Variants in APCDD1L observed in about 807,000 individuals in gnomAD.
APCDD1L encodes APC down-regulated 1 like, also known as protein APCDD1-like.
In APCDD1L, 21 loss-of-function variants were observed where a neutral mutation model predicts 24.2. The ratio of observed to expected loss-of-function variants is 0.87; its 90% confidence interval spans 0.61 to 1.25. The LOEUF is 1.25. Ranked by LOEUF, APCDD1L falls within the 50% of genes most tolerant of loss-of-function variation. The probability of loss-of-function intolerance (pLI) is 0.00; values close to 1 mark genes in which losing one functional copy is unlikely to be tolerated. For synonymous variants in APCDD1L, 321 were observed against 323.6 expected (o/e 0.99, Z 0.09); for missense variants, 704 against 711.7 (o/e 0.99, Z 0.12).
chr20:58,496,188 C>G (rs1990317706), intron 1 of APCDD1L, among the ~76,000 whole-genome samples: 3 of 152,236 alleles, frequency 2.0e-5, no homozygotes, highest in African/African-American at 7.2e-5. Flanking sequence ...CTGTGCCCAG[C>G]CTGGGTCAGC....
chr20:58,470,894 T>C, intron 1 of APCDD1L, 147 bp from the exon 2 acceptor site: 1 of 1,177,916 alleles, frequency 8.5e-7, no homozygotes, highest in Admixed American at 2.9e-5. Context: ...GGTGCCCCAG[T>C]TCTGGAGACA....
At chr20:58,473,686 C>A (rs920572874) in intron 1 of APCDD1L, among the ~76,000 whole-genome samples, 1 of 152,142 alleles carries the variant, frequency 6.6e-6, no homozygotes, top group Non-Finnish European at 1.5e-5. Context: ...TTGGGTTACA[C>A]AACTTTTTGC....
intron 3 of APCDD1L, among the ~76,000 whole-genome samples, chr20:58,465,607 A>C (rs891981011): frequency 1.3e-5 from 2 of 152,192 alleles, no homozygotes; most frequent in African/African-American, 4.8e-5. Context: ...TTGTGCACTC[A>C]AGAAATACGC....
At chr20:58,486,739 C>A (rs1276950257) in intron 1 of APCDD1L, among the ~76,000 whole-genome samples, 1 of 149,828 alleles carries the variant, frequency 6.7e-6, no homozygotes, top group East Asian at 2.0e-4. Context: ...ACAACAAGGG[C>A]AAAACAAAGA....
intron 1 of APCDD1L, among the ~76,000 whole-genome samples, chr20:58,483,095 CAAG>C (rs1042187509): frequency 1.8e-4 from 28 of 152,308 alleles, no homozygotes; most frequent in African/African-American, 6.0e-4. Context: ...TCTTGCAGGA[CAAG>C]AAGCTGCTTG....
At chr20:58,484,262 T>C (rs764730734) in intron 1 of APCDD1L, among the ~76,000 whole-genome samples, 10 of 152,344 alleles carry the variant, frequency 6.6e-5, no homozygotes, top group Non-Finnish European at 1.2e-4. Context: ...AGCACAAAGA[T>C]GATTTAAAAG....
chr20:58,483,060 C>G (rs961823353), intron 1 of APCDD1L, among the ~76,000 whole-genome samples: 3 of 152,164 alleles, frequency 2.0e-5, no homozygotes, highest in African/African-American at 7.2e-5. Context: ...CCAGAGGGGC[C>G]CCACTGCCTA....
intron 1 of APCDD1L, among the ~76,000 whole-genome samples, chr20:58,480,005 T>G (rs565291782): frequency 6.6e-6 from 1 of 152,318 alleles, no homozygotes; most frequent in South Asian, 2.1e-4. Context: ...CACAGAAATA[T>G]GAAGACACAC....
intron 1 of APCDD1L, among the ~76,000 whole-genome samples, chr20:58,485,803 T>G (rs1990109094): frequency 6.6e-6 from 1 of 152,214 alleles, no homozygotes; most frequent in Non-Finnish European, 1.5e-5. Flanking sequence ...ATTATACTTT[T>G]TCATAAAGTA....
chr20:58,493,550 T>C (rs1979301528), intron 1 of APCDD1L, among the ~76,000 whole-genome samples: 2 of 152,192 alleles, frequency 1.3e-5, no homozygotes, highest in African/African-American at 4.8e-5. Context: ...CCACACCTAA[T>C]AGTGTGCTCA....
intron 1 of APCDD1L, among the ~76,000 whole-genome samples, chr20:58,492,787 C>G (rs1454415744): frequency 6.6e-6 from 1 of 152,216 alleles, no homozygotes; most frequent in Admixed American, 6.5e-5. Flanking sequence ...CACATGCACT[C>G]ACACACAATG....
chr20:58,480,272 C>T (rs1436026191), intron 1 of APCDD1L, among the ~76,000 whole-genome samples: 1 of 152,216 alleles, frequency 6.6e-6, no homozygotes, highest in Non-Finnish European at 1.5e-5. Context: ...ATGTGCCCTC[C>T]TCTGCTCAGT....
At chr20:58,487,751 G>A (rs1298884205) in intron 1 of APCDD1L, among the ~76,000 whole-genome samples, 1 of 152,144 alleles carries the variant, frequency 6.6e-6, no homozygotes, top group African/African-American at 2.4e-5. Flanking sequence ...GGTCCAACCT[G>A]CCAAGAAAAG....
At position 58,461,194 on chromosome 20, in the gene APCDD1L, T is replaced by C. The variant is rs1323401894; in HGVS notation, c.1102A>G (p.Thr368Ala). The C allele has an allele frequency of 6.2e-7, 1 of 1,613,530 alleles. No individual in the cohort carries two copies. Among genetic ancestry groups the C allele is most frequent in the East Asian group, 2.2e-5 (1 of 44,842 alleles). The change falls in exon 4 of 4, where the codon ACG becomes GCG. Residue 368 changes from threonine (T) to alanine (A), a missense_variant. Thr to Ala is a moderately conservative substitution (Grantham distance 58). Coordinates refer to ENST00000371149, the MANE Select transcript of APCDD1L (RefSeq NM_153360.3). This position sits in a 1 kb window ranked among gnomAD's most constrained non-coding sequence, Gnocchi z 6.0. ...AHVTPMDQVT[T>A]AMLNFSEPSS... is the part of the protein sequence containing the mutation. ...GGCTCAGAGAAGTTGAGCATGGCCG[T>C]GGTGACCTGGTCCATGGGGGTCACA...
At position 58,460,691 on chromosome 20, in the gene APCDD1L, C is replaced by A; in HGVS notation, c.*99G>T. On this transcript the variant is annotated 3_prime_UTR_variant, in exon 4 of 4. Transcript: ENST00000371149. The surrounding 1 kb of genome is among the most constrained non-coding windows in gnomAD (Gnocchi z 4.2). ...AGTGGGGCTGTGCATCCATCCATGA[C>A]AGAGCAGAGGAGAATGGTTCCTTCC... 7.2e-7 allele frequency: 1 copy of A among 1,380,054 alleles called. No individual in the cohort carries two copies. The allele number at this position is 1,380,054 out of a possible 1,614,324, so 85.5% of individuals were successfully genotyped here. A position where few individuals can be genotyped will look rare whatever the true frequency, so the allele number is the denominator to read the frequency against.
chr20:58,511,685 C>T (rs932379844), intron 1 of APCDD1L, among the ~76,000 whole-genome samples: 1 of 152,158 alleles, frequency 6.6e-6, no homozygotes, highest in Non-Finnish European at 1.5e-5. Flanking sequence ...TTTTAAGTAA[C>T]TAATACGATT....
At chr20:58,480,288 C>CA (rs1989999478) in intron 1 of APCDD1L, among the ~76,000 whole-genome samples, 1 of 152,188 alleles carries the variant, frequency 6.6e-6, no homozygotes, top group African/African-American at 2.4e-5. Context: ...TCAGTGCACT[C>CA]AGAGAGTTGA....
Position 58,467,609 on chromosome 20 carries a change from A to G in APCDD1L, c.238T>C (p.Tyr80His), listed in dbSNP as rs7265854. ...TGGGCTCGAAAGAGCCGGCTGGGGT[A>G]GAAGGTGTAGGCGCGGGTCAGGAAC... ...PEFLTRAYTF[Y>H]PSRLFRAHQF... The change falls in exon 3 of 4, where the codon TAC (tyrosine) becomes CAC (histidine). Residue 80 changes from tyrosine (Y) to histidine (H), a missense_variant. Physicochemically the swap from Tyr to His is moderately conservative, Grantham distance 83. Transcript: ENST00000371149. This position sits in a 1 kb window ranked among gnomAD's most constrained non-coding sequence, Gnocchi z 5.9. 71,010 of 1,546,786 alleles carry G rather than the reference A, an allele frequency of 0.046. 4,482 individuals carry two copies. Among genetic ancestry groups the G allele is most frequent in the East Asian group, 0.33 (12,906 of 39,556 alleles).
At position 58,514,649 on chromosome 20, in the gene APCDD1L, T is replaced by A. The variant is rs2123204745; in HGVS notation, c.49+10A>T. The stretch of plus-strand genomic sequence containing the variant: ...AGCCAGTTTGCCGGGTGGGGGAGGG[T>A]GGCACCTACCTCCCAAAAGCACCAG... On this transcript the variant is annotated intron_variant, in intron 1 of 3. Transcript: ENST00000371149. 3 of 1,313,274 alleles carry A rather than the reference T, an allele frequency of 2.3e-6. No homozygotes were observed. In the East Asian group the frequency reaches 8.4e-5, roughly 37 times the overall value. The allele number at this position is 1,313,274 out of a possible 1,614,324, so 81.4% of individuals were successfully genotyped here. A position where few individuals can be genotyped will look rare whatever the true frequency, so the allele number is the denominator to read the frequency against.
Sources: allele counts gnomAD v4.1 joint callset (sites outside exome capture counted in the v4.1 genomes callset), GRCh38; gene constraint gnomAD v4.1.1; non-coding constraint Gnocchi (gnomAD v3.1); transcripts MANE v1.5; gene names NCBI Gene and HGNC (gene_info 2026-07-23, HGNC 2026-07-21).